The following UNC79 variants were observed in gnomAD, a reference collection of about 807,000 sequenced individuals.
UNC79 encodes unc-79 subunit of NALCN channel complex.
UNC79 carries 37 observed loss-of-function variants against 283.1 expected under a neutral mutation model. The ratio of observed to expected loss-of-function variants is 0.13; its 90% CI spans 0.10 to 0.17. The LOEUF (loss-of-function observed/expected upper bound fraction) is 0.17. Ranked by LOEUF, UNC79 falls within the 10% of genes least tolerant of loss-of-function variation. The probability of loss-of-function intolerance (pLI) is 1.00; values close to 1 mark genes in which losing one functional copy is unlikely to be tolerated. For synonymous variants in UNC79, 1,107 were observed against 1,200.2 expected, an observed-to-expected ratio of 0.92 and a Z score of 1.61; for missense variants, 2,272 against 3,211.1, an observed-to-expected ratio of 0.71 and a Z score of 7.07.
intron 37 of UNC79, 52 bp from the exon 41 acceptor site, chr14:93,655,182 T>C (rs1225962545): frequency 1.1e-5 from 18 of 1,591,774 alleles, no homozygotes; most frequent in East Asian, 2.2e-5. Context: ...AATAGCGCTA[T>C]GCATTCCCGT....
At chr14:93,697,282 C>T (rs1046628216) in intron 47 of UNC79, among the ~76,000 whole-genome samples, 2 of 152,056 alleles carry the variant, frequency 1.3e-5, no homozygotes, top group African/African-American at 4.8e-5. Flanking sequence ...ATTACAGACA[C>T]CTGCCACCAT....
intron 7 of UNC79, among the ~76,000 whole-genome samples, chr14:93,517,919 C>CTGTGTGTGTGTGTGTGTGTCTG (rs2060145553): frequency 6.8e-6 from 1 of 147,630 alleles, no homozygotes; most frequent in Non-Finnish European, 1.5e-5. Flanking sequence ...GTGTGTGTGT[C>CTGTGTGTGTGTGTGTGTGTCTG]TGTGTGTGTG....
At chr14:93,665,398 G>A (rs2072077471) in intron 40 of UNC79, among the ~76,000 whole-genome samples, 1 of 151,658 alleles carries the variant, frequency 6.6e-6, no homozygotes, top group Non-Finnish European at 1.5e-5. Context: ...GAATTCAGAA[G>A]AGAGAGATAA....
intron 1 of UNC79, among the ~76,000 whole-genome samples, chr14:93,400,314 A>G (rs2140026580): frequency 6.6e-6 from 1 of 150,474 alleles, no homozygotes; most frequent in Middle Eastern, 3.4e-3. Context: ...AATGAATAAC[A>G]GTTTATCTCA....
At chr14:93,665,633 T>C (rs1415276798) in intron 40 of UNC79, among the ~76,000 whole-genome samples, 3 of 151,800 alleles carry the variant, frequency 2.0e-5, no homozygotes, top group East Asian at 3.9e-4. Context: ...AAAGAAAATA[T>C]TTTCAGAAAA....
At chr14:93,571,249 A>G (rs1284923556) in intron 14 of UNC79, among the ~76,000 whole-genome samples, 5 of 152,242 alleles carry the variant, frequency 3.3e-5, no homozygotes, top group Non-Finnish European at 7.3e-5. Context: ...GATCTCTAAC[A>G]TCAGGATTAT....
intron 7 of UNC79, among the ~76,000 whole-genome samples, chr14:93,515,264 A>ATATG (rs5810630): frequency 6.7e-6 from 1 of 149,660 alleles, no homozygotes; most frequent in African/African-American, 2.5e-5. Flanking sequence ...CCATATGTAT[A>ATATG]TGTGTGTGTG....
At chr14:93,467,989 C>T (rs1185348398) in intron 2 of UNC79, among the ~76,000 whole-genome samples, 198 bp downstream of exon 2, 1 of 152,000 alleles carries the variant, frequency 6.6e-6, no homozygotes, top group Non-Finnish European at 1.5e-5. Context: ...GATTGGTTGC[C>T]TGGCTACTGC....
chr14:93,659,953 C>G (rs554444752), intron 39 of UNC79, among the ~76,000 whole-genome samples: 1 of 152,202 alleles, frequency 6.6e-6, no homozygotes, highest in South Asian at 2.1e-4. Flanking sequence ...TAACTTTTTC[C>G]TGTATCAGCT....
At chr14:93,437,451 T>G (rs891536927) in intron 1 of UNC79, 2 of 152,200 alleles carry the variant, frequency 1.3e-5, no homozygotes, top group East Asian at 3.8e-4. Context: ...GCAAGGGTCA[T>G]GCGAGTCTTT....
At chr14:93,625,025 G>T (rs1327970176) in intron 30 of UNC79, among the ~76,000 whole-genome samples, 1 of 152,200 alleles carries the variant, frequency 6.6e-6, no homozygotes, top group African/African-American at 2.4e-5. Context: ...CATACCTTCT[G>T]TTCTGAAGCT....
rs529601215 is a variant in UNC79 at position 93,538,315 on chromosome 14, A to G, written c.1352+97A>G. 77 of 1,266,526 alleles carry G rather than the reference A, an allele frequency of 6.1e-5. No individual in the cohort carries two copies. In the East Asian group the frequency reaches 2.0e-3, roughly 32 times the overall value. The allele number at this position is 1,266,526 out of a possible 1,614,324, so 78.5% of individuals were successfully genotyped here. On this transcript the variant is annotated intron_variant, in intron 12 of 48. Transcript: ENST00000555664. ...ATGTGCATATTTAATGCAACCTCAA[A>G]TGCCCTTAGCCCAGATGCTCACCTT...
intron 1 of UNC79, among the ~76,000 whole-genome samples, chr14:93,353,642 T>C (rs1784690446): frequency 3.3e-5 from 5 of 152,228 alleles, no homozygotes; most frequent in Admixed American, 2.0e-4. Flanking sequence ...ACATTTCCTC[T>C]TGAATATTGT....
At chr14:93,589,846 T>G (rs1348566015) in intron 22 of UNC79, among the ~76,000 whole-genome samples, 5 of 152,084 alleles carry the variant, frequency 3.3e-5, no homozygotes, top group Non-Finnish European at 5.9e-5. Flanking sequence ...GAGGATCACT[T>G]AAGGCCAGGA....
chr14:93,347,944 GT>G lies in UNC79; in HGVS notation c.-351+14429del, dbSNP rs758579578. The G allele has an allele frequency of 4.5e-5, 37 of 823,008 alleles. No individual in the cohort carries two copies. The East Asian group carries it at 7.1e-4, about 16-fold the overall frequency. 51.0% of individuals were successfully genotyped at this position (823,008 alleles called of 1,614,324 possible). On this transcript the variant is annotated intron_variant, in intron 1 of 49. Coordinates refer to the UNC79 transcript ENST00000256339. ...GGACAACGGTCTAGGTGCTCAAAAT[GT>G]TTTTTTTAAGCACTTTTTGTTAGGC... is the stretch of plus-strand genomic sequence containing the variant.
chr14:93,559,660 T>C (rs1301703804), intron 14 of UNC79, among the ~76,000 whole-genome samples: 1 of 152,132 alleles, frequency 6.6e-6, no homozygotes, highest in African/African-American at 2.4e-5. Flanking sequence ...CAAGGTAATG[T>C]CATCAGTTAA....
intron 4 of UNC79, among the ~76,000 whole-genome samples, chr14:93,478,858 A>G (rs117471099): frequency 0.025 from 3,868 of 152,320 alleles, 68 homozygotes; most frequent in Non-Finnish European, 0.04. Flanking sequence ...GTAACCATAT[A>G]TATCTTTTGA....
At chr14:93,466,350 T>C (rs1323410311) in intron 1 of UNC79, among the ~76,000 whole-genome samples, 1 of 152,248 alleles carries the variant, frequency 6.6e-6, no homozygotes, top group Non-Finnish European at 1.5e-5. Context: ...GACGTTCACA[T>C]TCATGTGGAT....
chr14:93,673,034 A>G (rs1298906589), intron 40 of UNC79, among the ~76,000 whole-genome samples: 1 of 152,176 alleles, frequency 6.6e-6, no homozygotes, highest in Non-Finnish European at 1.5e-5. Context: ...ATACTTTTCG[A>G]CTGATTTAAT....
Sources: gnomAD v4.1 joint callset for allele counts (sites outside exome capture counted in the v4.1 genomes callset) on GRCh38, gnomAD v4.1.1 for gene constraint, MANE v1.5 for transcripts, NCBI Gene and HGNC (gene_info 2026-07-23, HGNC 2026-07-21) for gene names.